The following ESRRG variants were observed in gnomAD, a reference collection of about 807,000 sequenced individuals.
ESRRG encodes estrogen-related receptor gamma.
ESRRG carries 13 observed loss-of-function variants against 44.0 expected under a neutral mutation model. The observed-to-expected ratio is 0.30, with a 90% CI of 0.19 to 0.47. ESRRG has a LOEUF of 0.47. Ranked by LOEUF, ESRRG falls within the 20% of genes least tolerant of loss-of-function variation. The pLI is 1.00. For synonymous variants in ESRRG, 215 were observed against 214.6 expected (o/e 1.00, Z -0.02); for missense variants, 395 against 580.6 (o/e 0.68, Z 3.29).
In ESRRG at chr1:217,037,478, G is replaced by A. The variant is rs575175945; in HGVS notation, c.-106+52029C>T. On this transcript the variant is annotated intron_variant, in intron 1 of 7. Coordinates refer to the ESRRG transcript ENST00000359162. ...TCAGATCACATGAGACCCACTCGCC[G>A]TCAGAAGAACAGCACGGGAAAGACC... Among the ~76,000 whole-genome samples, 40 of 152,174 alleles carry A rather than the reference G, an allele frequency of 2.6e-4. No individual in the cohort carries two copies. In the Middle Eastern group the frequency reaches 0.01, roughly 39 times the overall value.
At position 217,004,571 on chromosome 1, in the gene ESRRG, G is replaced by A. The variant is rs146041481; in HGVS notation, c.-105-64898C>T. On this transcript the variant is annotated intron_variant, in intron 1 of 7. Transcript: ENST00000359162. ...CAATATCCAGTATGTCTTTATTAGC[G>A]TGAAAACTAACTAATATACTGACCA... Among the ~76,000 whole-genome samples, 1,216 of 152,102 alleles carry A rather than the reference G, an allele frequency of 8.0e-3. 9 individuals carry two copies. The highest frequency in any genetic ancestry group is 0.012 in the Non-Finnish European group (832 of 68,010).
At chr1:217,090,279 C>T (rs558147034), upstream of ESRRG, among the ~76,000 whole-genome samples, 58 of 152,216 alleles carry the variant, frequency 3.8e-4, no homozygotes, top group African/African-American at 1.3e-3. Flanking sequence ...CACCAATCCC[C>T]GCCTGGGCAA....
intron 1 of ESRRG, among the ~76,000 whole-genome samples, chr1:216,687,268 G>A (rs1445653610): frequency 1.3e-5 from 2 of 152,186 alleles, no homozygotes; most frequent in African/African-American, 2.4e-5. Flanking sequence ...TGCTCATTAC[G>A]TTTTTGGTGG....
chr1:217,057,225 C>T (rs2087309421), intron 1 of ESRRG, among the ~76,000 whole-genome samples: 1 of 152,102 alleles, frequency 6.6e-6, no homozygotes, highest in Admixed American at 6.6e-5. Context: ...AAGCATCTAC[C>T]ATATCTACCA....
intron 2 of ESRRG, among the ~76,000 whole-genome samples, chr1:216,935,733 C>CG (rs2064035185): frequency 6.6e-6 from 1 of 152,052 alleles, no homozygotes; most frequent in South Asian, 2.1e-4. Context: ...TCTCCTGCCT[C>CG]AGCCTCCCGA....
chr1:217,075,065 G>A (rs1416119223), intron 1 of ESRRG, among the ~76,000 whole-genome samples: 4 of 152,112 alleles, frequency 2.6e-5, no homozygotes, highest in African/African-American at 7.2e-5. Flanking sequence ...CTGAACCCAC[G>A]TACACGAAAA....
chr1:216,958,579 GT>G (rs2068416165), intron 1 of ESRRG, among the ~76,000 whole-genome samples: 1 of 152,090 alleles, frequency 6.6e-6, no homozygotes, highest in African/African-American at 2.4e-5. Flanking sequence ...TCTGTGAGGT[GT>G]TTGTTCAAGT....
chr1:216,626,059 C>T (rs140910107), intron 3 of ESRRG, among the ~76,000 whole-genome samples: 17 of 152,330 alleles, frequency 1.1e-4, no homozygotes, highest in African/African-American at 4.1e-4. Flanking sequence ...TTCCTCAAAG[C>T]ACCTGATTTC....
chr1:217,017,369 A>G (rs1429588401), intron 1 of ESRRG, among the ~76,000 whole-genome samples: 1 of 151,110 alleles, frequency 6.6e-6, no homozygotes, highest in Admixed American at 6.6e-5. Flanking sequence ...AAATGTTATT[A>G]TTCATGCTGC....
At chr1:216,688,035 T>A (rs995021732) in intron 1 of ESRRG, among the ~76,000 whole-genome samples, 4 of 151,500 alleles carry the variant, frequency 2.6e-5, no homozygotes, top group Non-Finnish European at 5.9e-5. Flanking sequence ...AACAAAAGAA[T>A]ATGCATGGGT....
At chr1:216,945,888 C>A (rs1207679593) in intron 1 of ESRRG, among the ~76,000 whole-genome samples, 1 of 152,080 alleles carries the variant, frequency 6.6e-6, no homozygotes, top group African/African-American at 2.4e-5. Flanking sequence ...GTGTGCCAAG[C>A]CTCAGTTCTG....
intron 2 of ESRRG, among the ~76,000 whole-genome samples, chr1:216,663,525 CT>C (rs1406679620): frequency 6.6e-6 from 1 of 151,952 alleles, no homozygotes; most frequent in Non-Finnish European, 1.5e-5. Context: ...CAGAGATGCC[CT>C]TTTTTTAAGT....
At chr1:216,665,221 T>C (rs2073596757) in intron 2 of ESRRG, among the ~76,000 whole-genome samples, 1 of 152,118 alleles carries the variant, frequency 6.6e-6, no homozygotes, top group Non-Finnish European at 1.5e-5. Flanking sequence ...ATCTATAAAT[T>C]AAACTTTATC....
intron 1 of ESRRG, among the ~76,000 whole-genome samples, chr1:217,046,966 G>GT (rs1438952180): frequency 2.0e-5 from 3 of 152,040 alleles, no homozygotes; most frequent in Admixed American, 1.3e-4. Context: ...AAGATTTGTT[G>GT]TAAGCTGATT....
At chr1:216,805,594 T>G (rs990920698) in intron 2 of ESRRG, among the ~76,000 whole-genome samples, 1 of 152,126 alleles carries the variant, frequency 6.6e-6, no homozygotes, top group Non-Finnish European at 1.5e-5. Flanking sequence ...TCCAATTTGG[T>G]CAAATTGGTG....
At chr1:216,582,322 G>A (rs1478600931) in intron 3 of ESRRG, among the ~76,000 whole-genome samples, 1 of 152,130 alleles carries the variant, frequency 6.6e-6, no homozygotes, top group East Asian at 1.9e-4. Flanking sequence ...GGTCTCCACT[G>A]GTAGTTATAG....
intron 1 of ESRRG, among the ~76,000 whole-genome samples, chr1:216,704,129 A>T (rs2081995759): frequency 6.6e-6 from 1 of 152,210 alleles, no homozygotes; most frequent in South Asian, 2.1e-4. Flanking sequence ...AATGAAGGCT[A>T]GCACTTCACT....
At chr1:217,093,816 C>A (rs369795162), upstream of ESRRG, among the ~76,000 whole-genome samples, 4 of 151,450 alleles carry the variant, frequency 2.6e-5, no homozygotes, top group East Asian at 7.8e-4. Context: ...ATATAAAAAC[C>A]CTACACTTTA....
chr1:216,851,957 GA>G (rs1306200988), intron 2 of ESRRG, among the ~76,000 whole-genome samples: 1 of 152,046 alleles, frequency 6.6e-6, no homozygotes, highest in African/African-American at 2.4e-5. Context: ...TTGGTTCAAA[GA>G]AGAGAATTCA....
Sources: allele counts gnomAD v4.1 joint callset (sites outside exome capture counted in the v4.1 genomes callset), GRCh38; gene constraint gnomAD v4.1.1; transcripts MANE v1.5; gene names NCBI Gene and HGNC (gene_info 2026-07-23, HGNC 2026-07-21).